Variants in QSER1 observed in about 807,000 individuals in gnomAD.
QSER1 encodes the protein glutamine and serine rich 1.
A neutral mutation model predicts 158.5 loss-of-function variants in QSER1; 49 were observed. That is an observed-to-expected ratio of 0.31 (90% confidence interval 0.25 to 0.39). The LOEUF (loss-of-function observed/expected upper bound fraction) is 0.39. QSER1 is among the 10% of genes least tolerant of loss of function. The pLI, the probability that QSER1 is intolerant of heterozygous loss-of-function variation, is 1.00. For missense variants in QSER1, 1,754 were observed against 2,010.3 expected (o/e 0.87, Z 2.44); for synonymous variants, 650 against 715.5 (o/e 0.91, Z 1.46).
intron 1 of QSER1, among the ~76,000 whole-genome samples, chr11:32,896,096 T>G (rs1303189728): frequency 6.6e-6 from 1 of 152,228 alleles, no homozygotes; most frequent in Admixed American, 6.5e-5. Flanking sequence ...ACATGTCCTT[T>G]GCTGAACACC....
intron 1 of QSER1, among the ~76,000 whole-genome samples, chr11:32,912,527 C>T (rs536438195): frequency 6.6e-5 from 10 of 152,138 alleles, no homozygotes; most frequent in African/African-American, 2.4e-4. Context: ...GTCAGAACTA[C>T]TAATCAATAA....
At position 32,957,872 on chromosome 11, in the gene QSER1, T is replaced by C; in HGVS notation, c.4755T>C (p.Thr1585=). 6.2e-7 allele frequency: 1 copy of C among 1,613,060 alleles called. No homozygotes were observed. Among genetic ancestry groups the C allele is most frequent in the Non-Finnish European group, 8.5e-7 (1 of 1,179,432 alleles). The part of the protein sequence containing the change: ...PRNKPSQTIR[T]VQAKPSSSSK... ...AAGTTTGTTTATAACATTGCAGAAC[T>C]GTTCAAGCTAAGCCAAGTAGTAGCA... is the stretch of plus-strand genomic sequence containing the variant. The change falls in exon 8 of 13, where the codon ACT becomes ACC. Residue 1585 remains threonine, a synonymous_variant. Coordinates refer to ENST00000650167, the MANE Select transcript of QSER1 (RefSeq NM_001076786.3).
At chr11:32,960,249 AT>A (rs1320526390) in intron 8 of QSER1, among the ~76,000 whole-genome samples, 1 of 152,010 alleles carries the variant, frequency 6.6e-6, no homozygotes, top group Non-Finnish European at 1.5e-5. Flanking sequence ...CTATTTGTAA[AT>A]GGTTGTTTAG....
Position 32,976,608 on chromosome 11 carries a change from C to T in QSER1, c.*134C>T, listed in dbSNP as rs1852982580. ...CATCATGGAACTGTCATTACCACCT[C>T]TGCTGAAGGACAGTGGTGCGGCCTT... is the stretch of plus-strand genomic sequence containing the variant. On this transcript the variant is annotated 3_prime_UTR_variant, in exon 13 of 13. Transcript: ENST00000650167. The T allele has an allele frequency of 2.1e-6, 2 of 947,548 alleles. No homozygotes were observed. The highest frequency in any genetic ancestry group is 3.2e-6 in the Non-Finnish European group (2 of 619,130). 58.7% of individuals were successfully genotyped at this position (947,548 alleles called of 1,614,324 possible).
At chr11:32,940,916 T>C (rs1360453400) in intron 4 of QSER1, among the ~76,000 whole-genome samples, 1 of 152,020 alleles carries the variant, frequency 6.6e-6, no homozygotes, top group Non-Finnish European at 1.5e-5. Flanking sequence ...TTTCTTAATG[T>C]CTGGTTTTAT....
chr11:32,932,028 C>T lies in QSER1; in HGVS notation c.770C>T (p.Pro257Leu). The change falls in exon 4 of 13, where the codon CCA (proline) becomes CTA (leucine). Residue 257 changes from proline (P) to leucine (L), a missense_variant. Physicochemically the swap from Pro to Leu is moderately conservative, Grantham distance 98. Around this residue, in one of 2 missense-constraint regions of QSER1, gnomAD observed 1,707 missense variants for 1,919.6 expected, o/e 0.89. Transcript: ENST00000650167. ...AGTTCTGTATTAAGTAACAGCATAC[C>T]ACCTCAGTCTTCAACATACCGCTCA... Reference protein sequence around the residue: ...LGSSVLSNSIPPQSSTYRSAQ... With the variant: ...LGSSVLSNSILPQSSTYRSAQ... 1.2e-6 allele frequency: 2 copies of T among 1,614,186 alleles called. No homozygotes were observed. The highest frequency in any genetic ancestry group is 1.7e-6 in the Non-Finnish European group (2 of 1,180,034).
rs1419926878 is a variant in QSER1 at position 32,913,251 on chromosome 11, C to T, written c.210-13906C>T. Among the ~76,000 whole-genome samples, 12 of 129,912 alleles carry T rather than the reference C, an allele frequency of 9.2e-5. No individual in the cohort carries two copies. In the East Asian group the frequency reaches 1.2e-3, roughly 13 times the overall value. The allele number at this position is 129,912 out of a possible 152,430, so 85.2% of individuals were successfully genotyped here. ...TGTCGCCCAGGCTGGAGTGCCGTGG[C>T]GCGATCTCGGCTCACTGCAAGCTCT... On this transcript the variant is annotated intron_variant, in intron 1 of 12. Coordinates refer to ENST00000650167, the MANE Select transcript of QSER1 (RefSeq NM_001076786.3).
chr11:32,934,459 A>C lies in QSER1; in HGVS notation c.3201A>C (p.Ser1067=). The part of the protein sequence containing the change: ...VNLSPVPALQ[S]KMTLDQQHIE... ...TTTCACCAGTACCTGCCCTTCAGTC[A>C]AAAATGACTCTTGATCAACAGCACA... The change falls in exon 4 of 13, where the codon TCA becomes TCC. Residue 1067 remains serine (S), a synonymous_variant. Transcript: ENST00000650167. 6.2e-7 allele frequency: 1 copy of C among 1,613,796 alleles called. No individual in the cohort carries two copies. Among genetic ancestry groups the C allele is most frequent in the Non-Finnish European group, 8.5e-7 (1 of 1,179,986 alleles).
intron 4 of QSER1, among the ~76,000 whole-genome samples, chr11:32,942,881 C>T (rs2133564947): frequency 6.6e-6 from 1 of 152,208 alleles, no homozygotes. Context: ...AATGTTCTTC[C>T]ATTTGTTTGT....
chr11:32,966,238 G>A, intron 8 of QSER1, 62 bp from the exon 9 acceptor site: 1 of 1,558,958 alleles, frequency 6.4e-7, no homozygotes. Flanking sequence ...TCGTTATAGA[G>A]AAAAGTGTTT....
chr11:32,894,906 A>G (rs1179492018), intron 1 of QSER1, among the ~76,000 whole-genome samples: 1 of 152,222 alleles, frequency 6.6e-6, no homozygotes, highest in Non-Finnish European at 1.5e-5. Context: ...ATCTTTTTCA[A>G]GTAGCTTTTT....
chr11:32,973,778 G>T lies in QSER1; in HGVS notation c.5358+229G>T, dbSNP rs143953453. Reference sequence around the variant, plus strand: ...TATGTGCTCACAAATTTCTTAAATTGACTAATATGGAAGAAATCATCTCGT... The same window carrying T: ...TATGTGCTCACAAATTTCTTAAATTTACTAATATGGAAGAAATCATCTCGT... On this transcript the variant is annotated intron_variant, in intron 11 of 12. Coordinates refer to ENST00000650167, the MANE Select transcript of QSER1 (RefSeq NM_001076786.3). Among the ~76,000 whole-genome samples, 3 of 152,236 alleles carry T rather than the reference G, an allele frequency of 2.0e-5. No individual in the cohort carries two copies. In the East Asian group the frequency reaches 5.8e-4, roughly 29 times the overall value.
chr11:32,924,143 TAAAAC>T lies in QSER1; in HGVS notation c.210-3011_210-3007del, dbSNP rs763424032. On this transcript the variant is annotated intron_variant, in intron 1 of 12. Transcript: ENST00000650167. Reference sequence around the variant, plus strand: ...AGCAAAAACATTAAAACTTACAAAATAAAACAATAGGAGAATGTATTAGTGACTTT... The same window carrying T: ...AGCAAAAACATTAAAACTTACAAAATAATAGGAGAATGTATTAGTGACTTT... Among the ~76,000 whole-genome samples, 37 of 151,958 alleles carry T rather than the reference TAAAAC, an allele frequency of 2.4e-4. 1 individual carries two copies. The highest frequency in any genetic ancestry group is 2.4e-4 in the Non-Finnish European group (16 of 67,972).
rs763490135 is a variant in QSER1, at chr11:32,928,058, C to T, written c.419C>T (p.Thr140Ile). The T allele has an allele frequency of 6.2e-7, 1 of 1,613,632 alleles. No individual in the cohort carries two copies. Among genetic ancestry groups the T allele is most frequent in the Non-Finnish European group, 8.5e-7 (1 of 1,179,648 alleles). The change falls in exon 3 of 13, where the codon ACT (threonine) becomes ATT (isoleucine). Residue 140 changes from threonine to isoleucine, a missense_variant. Physicochemically the swap from Thr to Ile is moderately conservative, Grantham distance 89 (BLOSUM62 -1). Transcript: ENST00000650167. ...MNFLSTAESR[T>I]AQAAASGTTL... is the part of the protein sequence containing the mutation. ...TTTCTGTCTACTGCTGAATCCCGAA[C>T]TGCTCAGGCTGCTGCTTCAGGAACT... is the stretch of plus-strand genomic sequence containing the variant.
intron 4 of QSER1, among the ~76,000 whole-genome samples, chr11:32,947,829 A>G (rs574324879): frequency 1.4e-4 from 21 of 152,206 alleles, no homozygotes; most frequent in Non-Finnish European, 2.8e-4. Context: ...TACTACAGTT[A>G]AATTTCCTTT....
At chr11:32,976,270 C>A in intron 12 of QSER1, 64 bp from the exon 13 acceptor site, 1 of 1,345,474 alleles carries the variant, frequency 7.4e-7, no homozygotes, top group Non-Finnish European at 1.0e-6. Context: ...AATACCAGTA[C>A]TTGTAGTTGA....
chr11:32,933,535 A>C lies in QSER1; in HGVS notation c.2277A>C (p.Lys759Asn). 6.2e-7 allele frequency: 1 copy of C among 1,613,460 alleles called. No individual in the cohort carries two copies. The highest frequency in any genetic ancestry group is 8.5e-7 in the Non-Finnish European group (1 of 1,179,780). ...TTGGGGTTGCTCTGCAAGCATCAAAAAAAGAAGAAAGTGTTGTTGGTTCAG... is the reference window on the plus strand; with the variant it reads ...TTGGGGTTGCTCTGCAAGCATCAAACAAAGAAGAAAGTGTTGTTGGTTCAG... ...QVIGVALQAS[K>N]KEESVVGSVT... Residue 759 changes from lysine to asparagine, a missense_variant, in exon 4 of 13, where the codon AAA becomes AAC. Lys to Asn is a moderately conservative substitution (Grantham distance 94). Coordinates refer to ENST00000650167, the MANE Select transcript of QSER1 (RefSeq NM_001076786.3).
intron 1 of QSER1, among the ~76,000 whole-genome samples, chr11:32,895,778 G>T (rs1477476153): frequency 6.6e-6 from 1 of 152,102 alleles, no homozygotes; most frequent in Non-Finnish European, 1.5e-5. Context: ...ATGCCTTCTT[G>T]GTCTTGAAAT....
intron 11 of QSER1, among the ~76,000 whole-genome samples, chr11:32,975,046 A>T (rs1187177338): frequency 6.6e-6 from 1 of 152,128 alleles, no homozygotes; most frequent in African/African-American, 2.4e-5. Context: ...GCATATTTAT[A>T]TGCAGGATAA....
Sources: gnomAD v4.1 joint callset for allele counts (sites outside exome capture counted in the v4.1 genomes callset) on GRCh38, gnomAD v4.1.1 for gene constraint, gnomAD v4.1.1 regional missense constraint, MANE v1.5 for transcripts, NCBI Gene and HGNC (gene_info 2026-07-23, HGNC 2026-07-21) for gene names.